The following LEPR variants were observed in gnomAD, a reference collection of about 807,000 sequenced individuals.
LEPR encodes the protein leptin receptor, also known as OB receptor.
LEPR carries 56 observed loss-of-function variants against 114.7 expected under a neutral mutation model. The observed-to-expected ratio is 0.49, with a 90% CI of 0.39 to 0.61. LEPR has a LOEUF of 0.61. Among genes scored for constraint, LEPR ranks in the 20% least tolerant of loss-of-function variants. The pLI, the probability that LEPR is intolerant of heterozygous loss-of-function variation, is 0.00. For missense variants in LEPR, 1,202 were observed against 1,352.9 expected (o/e 0.89, Z 1.75); for synonymous variants, 443 against 461.4 (o/e 0.96, Z 0.51).
Position 65,425,313 on chromosome 1 carries a change from A to G in LEPR, c.-86A>G. 6.2e-7 allele frequency: 1 copy of G among 1,612,090 alleles called. No homozygotes were observed. The highest frequency in any genetic ancestry group is 8.5e-7 in the Non-Finnish European group (1 of 1,179,518). On this transcript the variant is annotated 5_prime_UTR_variant, in exon 2 of 20. Coordinates refer to ENST00000349533, the MANE Select transcript of LEPR (RefSeq NM_002303.6). ...CTTTATTTTTCACAGCTCTCGTGGC[A>G]TTATCCTTCAGTGGGGCTATTGGAC...
intron 19 of LEPR, among the ~76,000 whole-genome samples, chr1:65,626,704 GAGAT>G (rs1658237788): frequency 6.6e-6 from 1 of 152,104 alleles, no homozygotes; most frequent in Admixed American, 6.5e-5. Context: ...GCGCAGCGGT[GAGAT>G]CTCAGCTCAC....
At chr1:65,476,767 G>A (rs941082529) in intron 2 of LEPR, among the ~76,000 whole-genome samples, 2 of 152,168 alleles carry the variant, frequency 1.3e-5, no homozygotes, top group African/African-American at 2.4e-5. Flanking sequence ...TAACCCAATT[G>A]AGGGGAATTG....
chr1:65,598,931 G>A, intron 8 of LEPR, 127 bp downstream of exon 8: 1 of 1,427,436 alleles, frequency 7.0e-7, no homozygotes, highest in South Asian at 1.3e-5. Context: ...CAACTTCCTT[G>A]TTTAAACTTT....
chr1:65,633,827 A>G lies in LEPR; in HGVS notation c.2674-2364A>G, dbSNP rs758403755. ...ATAACTTCCGTTTCAGTTAAAAGGA[A>G]GCCCGAAGTTGTGTTTGTGCTGCCC... On this transcript the variant is annotated intron_variant, in intron 19 of 19. Coordinates refer to ENST00000349533, the MANE Select transcript of LEPR (RefSeq NM_002303.6). The surrounding 1 kb of genome is among the most constrained non-coding windows in gnomAD (Gnocchi z 4.1). 4 of 985,676 alleles carry G rather than the reference A, an allele frequency of 4.1e-6. No individual in the cohort carries two copies. Among genetic ancestry groups the G allele is most frequent in the Non-Finnish European group, 4.8e-6 (4 of 830,160 alleles). The allele number at this position is 985,676 out of a possible 1,614,324, so 61.1% of individuals were successfully genotyped here. A position where few individuals can be genotyped will look rare whatever the true frequency, so the allele number is the denominator to read the frequency against.
At chr1:65,594,049 A>G (rs760840116) in intron 6 of LEPR, among the ~76,000 whole-genome samples, 3 of 152,000 alleles carry the variant, frequency 2.0e-5, no homozygotes, top group African/African-American at 4.8e-5. Context: ...ATTTCCTTCT[A>G]TTTGAATATA....
At chr1:65,434,073 C>T (rs1646525284) in intron 2 of LEPR, 1 of 985,174 alleles carries the variant, frequency 1.0e-6, no homozygotes, top group Non-Finnish European at 1.2e-6. Context: ...AGGTAGCCTT[C>T]ATATGTAGCC....
chr1:65,497,878 A>G (rs577891104), intron 2 of LEPR, among the ~76,000 whole-genome samples: 8 of 152,298 alleles, frequency 5.3e-5, no homozygotes, highest in Middle Eastern at 3.4e-3. Context: ...AAAAAATTCA[A>G]GTTAAATCAG....
intron 19 of LEPR, among the ~76,000 whole-genome samples, chr1:65,626,840 GC>G (rs1388889933): frequency 6.6e-6 from 1 of 151,974 alleles, no homozygotes; most frequent in Non-Finnish European, 1.5e-5. Context: ...TTGTCATGTT[GC>G]CCAGGCTGGT....
chr1:65,550,253 G>C (rs551077765), intron 2 of LEPR, among the ~76,000 whole-genome samples: 2 of 152,172 alleles, frequency 1.3e-5, no homozygotes, highest in African/African-American at 2.4e-5. Flanking sequence ...TAGGCTGCTC[G>C]GGGGTCAGGG....
At chr1:65,634,954 C>A in intron 19 of LEPR, 9 of 811,766 alleles carry the variant, frequency 1.1e-5, no homozygotes, top group Non-Finnish European at 1.3e-5. Flanking sequence ...TGTATTAATT[C>A]AGTATTTGTC....
chr1:65,426,807 G>A (rs1646382837), intron 2 of LEPR, among the ~76,000 whole-genome samples: 1 of 151,988 alleles, frequency 6.6e-6, no homozygotes, highest in Non-Finnish European at 1.5e-5. Context: ...GACCATCCTA[G>A]GCAACATGGT....
At chr1:65,470,391 C>T (rs1350949484) in intron 2 of LEPR, among the ~76,000 whole-genome samples, 2 of 152,178 alleles carry the variant, frequency 1.3e-5, no homozygotes, top group Non-Finnish European at 2.9e-5. Context: ...GCTGGTCTTT[C>T]CTAACAATGT....
intron 5 of LEPR, among the ~76,000 whole-genome samples, chr1:65,573,644 C>G (rs1180641928): frequency 6.6e-6 from 1 of 152,116 alleles, no homozygotes; most frequent in Non-Finnish European, 1.5e-5. Flanking sequence ...TGCTTAAAGT[C>G]TCGCTTCCTT....
intron 2 of LEPR, chr1:65,433,479 T>C (rs1285737309): frequency 1.0e-6 from 1 of 985,296 alleles, no homozygotes; most frequent in Non-Finnish European, 1.2e-6. Flanking sequence ...ATACAACCAA[T>C]AGTCTTTAAG....
At chr1:65,447,794 G>A (rs1379343037) in intron 2 of LEPR, among the ~76,000 whole-genome samples, 1 of 152,048 alleles carries the variant, frequency 6.6e-6, no homozygotes, top group Non-Finnish European at 1.5e-5. Context: ...ATTCACCTCA[G>A]CCTCCTAAAG....
chr1:65,441,501 G>A (rs1646647999), intron 2 of LEPR, among the ~76,000 whole-genome samples: 1 of 152,156 alleles, frequency 6.6e-6, no homozygotes. Flanking sequence ...TGGAGCAGGG[G>A]GAAAGTTATC....
intron 2 of LEPR, among the ~76,000 whole-genome samples, chr1:65,484,526 A>AT (rs1213249475): frequency 6.6e-6 from 1 of 152,176 alleles, no homozygotes; most frequent in Non-Finnish European, 1.5e-5. Flanking sequence ...GACTGTACAA[A>AT]GAGAGCGTCA....
At chr1:65,485,339 A>G (rs113636376) in intron 2 of LEPR, among the ~76,000 whole-genome samples, 252 of 152,262 alleles carry the variant, frequency 1.7e-3, no homozygotes, top group Middle Eastern at 3.4e-3. Flanking sequence ...TGCCTTATGT[A>G]TATTTTTTTC....
At chr1:65,436,083 T>C in intron 2 of LEPR, 1 of 984,604 alleles carries the variant, frequency 1.0e-6, no homozygotes, top group South Asian at 4.7e-5. Flanking sequence ...GGAAAGGAGA[T>C]CAGCAAGTTA....
Sources: allele counts gnomAD v4.1 joint callset (sites outside exome capture counted in the v4.1 genomes callset), GRCh38; gene constraint gnomAD v4.1.1; non-coding constraint Gnocchi (gnomAD v3.1); transcripts MANE v1.5; gene names NCBI Gene and HGNC (gene_info 2026-07-23, HGNC 2026-07-21).